SGCZ: variants seen among roughly 807,000 people sequenced by gnomAD.
The protein encoded by SGCZ is zeta-sarcoglycan.
Under a neutral mutation model 41.3 loss-of-function variants are expected in SGCZ, and 40 were observed. That is an observed-to-expected ratio of 0.97 (90% CI 0.75 to 1.26). The LOEUF is 1.26. SGCZ is among the 50% of genes most tolerant of loss of function. The probability of loss-of-function intolerance (pLI) is 0.00; values close to 1 mark genes in which losing one functional copy is unlikely to be tolerated. For missense variants in SGCZ, 552 were observed against 369.8 expected, an observed-to-expected ratio of 1.49 and a Z score of -4.04; for synonymous variants, 206 against 137.5, an observed-to-expected ratio of 1.50 and a Z score of -3.49.
chr8:14,501,965 G>T (rs771731455), intron 2 of SGCZ, among the ~76,000 whole-genome samples: 1 of 152,040 alleles, frequency 6.6e-6, no homozygotes, highest in African/African-American at 2.4e-5. Flanking sequence ...GAAGCGAAAA[G>T]TATAATCCAT....
intron 1 of SGCZ, among the ~76,000 whole-genome samples, chr8:14,924,855 CTTTT>C (rs35271116): frequency 2.8e-5 from 3 of 108,682 alleles, no homozygotes; most frequent in Admixed American, 9.9e-5. Context: ...GAATTTAAGA[CTTTT>C]TTTTTTTTTT....
At chr8:14,560,837 A>G in intron 1 of SGCZ, among the ~76,000 whole-genome samples, 1 of 151,878 alleles carries the variant, frequency 6.6e-6, no homozygotes, top group Non-Finnish European at 1.5e-5. Flanking sequence ...AGATAACAAG[A>G]GGCTAAAAGA....
At chr8:14,518,429 T>A (rs988957976) in intron 2 of SGCZ, among the ~76,000 whole-genome samples, 1 of 152,104 alleles carries the variant, frequency 6.6e-6, no homozygotes, top group African/African-American at 2.4e-5. Flanking sequence ...TATGGACCAA[T>A]CTTTATTCCA....
intron 5 of SGCZ, chr8:14,162,580 C>T (rs1371086245): frequency 6.6e-6 from 1 of 152,250 alleles, no homozygotes; most frequent in Non-Finnish European, 1.5e-5. Flanking sequence ...TCTCCTAACT[C>T]AGGACTCAAG....
chr8:14,561,718 A>G (rs1165858786), intron 1 of SGCZ, among the ~76,000 whole-genome samples: 4 of 152,144 alleles, frequency 2.6e-5, no homozygotes, highest in African/African-American at 9.7e-5. Context: ...CTTTAAATGC[A>G]TTTACTTGGA....
At chr8:15,081,794 G>A (rs927128553) in intron 1 of SGCZ, among the ~76,000 whole-genome samples, 2 of 152,168 alleles carry the variant, frequency 1.3e-5, no homozygotes, top group African/African-American at 4.8e-5. Flanking sequence ...TTTATCCAGG[G>A]TTACAGGTGT....
intron 1 of SGCZ, among the ~76,000 whole-genome samples, chr8:14,700,006 A>C (rs1057472648): frequency 2.2e-4 from 33 of 151,984 alleles, no homozygotes; most frequent in African/African-American, 8.0e-4. Context: ...CATTGTTGGC[A>C]GAAATGTAAA....
intron 3 of SGCZ, among the ~76,000 whole-genome samples, chr8:14,259,867 T>C (rs1461736055): frequency 4.6e-5 from 7 of 151,968 alleles, no homozygotes; most frequent in Non-Finnish European, 8.8e-5. Context: ...GGTAGCTTGA[T>C]GGGGATGGCA....
chr8:14,162,223 C>T (rs972691200), intron 5 of SGCZ, among the ~76,000 whole-genome samples: 7 of 152,118 alleles, frequency 4.6e-5, no homozygotes, highest in Admixed American at 2.0e-4. Flanking sequence ...TCCATGAGAT[C>T]GTAAAAGCTG....
chr8:15,105,861 G>A (rs1806805133), intron 1 of SGCZ, among the ~76,000 whole-genome samples: 1 of 152,084 alleles, frequency 6.6e-6, no homozygotes, highest in Non-Finnish European at 1.5e-5. Flanking sequence ...AGTTTAGTTT[G>A]CAGTAGGAGA....
At chr8:14,136,400 G>C (rs1344106845) in intron 5 of SGCZ, among the ~76,000 whole-genome samples, 1 of 152,170 alleles carries the variant, frequency 6.6e-6, no homozygotes, top group Admixed American at 6.5e-5. Flanking sequence ...TCCTAGCCAA[G>C]GGAAGCAGTG....
chr8:14,316,774 T>C (rs965661506), intron 3 of SGCZ, among the ~76,000 whole-genome samples: 2 of 151,026 alleles, frequency 1.3e-5, no homozygotes, highest in African/African-American at 4.9e-5. Context: ...CATCTATTCT[T>C]ACTTCCTTGG....
chr8:14,506,620 C>G (rs1013633174), intron 2 of SGCZ, among the ~76,000 whole-genome samples: 1 of 152,156 alleles, frequency 6.6e-6, no homozygotes, highest in Non-Finnish European at 1.5e-5. Flanking sequence ...TGTTCCATCT[C>G]AAATGTCTCT....
intron 3 of SGCZ, among the ~76,000 whole-genome samples, chr8:14,258,547 T>C (rs1441848653): frequency 6.6e-6 from 1 of 152,152 alleles, no homozygotes. Context: ...TAACAGAAGA[T>C]TTGTACTTCT....
intron 1 of SGCZ, among the ~76,000 whole-genome samples, chr8:15,173,793 G>A (rs2117070177): frequency 1.3e-5 from 2 of 152,240 alleles, no homozygotes; most frequent in Admixed American, 1.3e-4. Flanking sequence ...AGGCTGAAAT[G>A]CAGTGGTGTG....
intron 1 of SGCZ, among the ~76,000 whole-genome samples, chr8:14,814,269 C>T (rs1009663398): frequency 6.6e-6 from 1 of 152,110 alleles, no homozygotes; most frequent in African/African-American, 2.4e-5. Context: ...ACGCCTCTAC[C>T]TCCTTAAATG....
At chr8:14,825,757 G>T (rs1241653644) in intron 1 of SGCZ, among the ~76,000 whole-genome samples, 1 of 152,062 alleles carries the variant, frequency 6.6e-6, no homozygotes, top group Non-Finnish European at 1.5e-5. Context: ...TCTATTCTAT[G>T]AAATCAACTT....
intron 3 of SGCZ, among the ~76,000 whole-genome samples, chr8:14,245,924 A>T (rs551188468): frequency 6.6e-5 from 10 of 152,178 alleles, no homozygotes; most frequent in Non-Finnish European, 1.3e-4. Context: ...TTAGAATGGC[A>T]ATCATTAAAA....
At chr8:14,548,876 T>G (rs1803712555) in intron 2 of SGCZ, among the ~76,000 whole-genome samples, 1 of 152,112 alleles carries the variant, frequency 6.6e-6, no homozygotes, top group Middle Eastern at 3.4e-3. Context: ...AATGAAGAGG[T>G]ATTTGGCGGG....
Sources: allele counts gnomAD v4.1 joint callset (sites outside exome capture counted in the v4.1 genomes callset), GRCh38; gene constraint gnomAD v4.1.1; transcripts MANE v1.5; gene names NCBI Gene and HGNC (gene_info 2026-07-23, HGNC 2026-07-21).